The following GALNT14 variants were observed in gnomAD, a reference collection of about 807,000 sequenced individuals.
GALNT14 encodes UDP-GalNAc:polypeptide N-acetylgalactosaminyltransferase 14.
GALNT14 carries 60 observed loss-of-function variants against 77.5 expected under a neutral mutation model. The ratio of observed to expected loss-of-function variants is 0.77; its 90% CI spans 0.63 to 0.96. The LOEUF (loss-of-function observed/expected upper bound fraction) is 0.96, where lower values mean the gene tolerates loss of function less well. Ranked by LOEUF, GALNT14 falls within the 40% of genes least tolerant of loss-of-function variation. GALNT14 has a pLI of 0.00. For synonymous variants in GALNT14, 280 were observed against 281.7 expected (o/e 0.99, Z 0.06); for missense variants, 710 against 731.0 (o/e 0.97, Z 0.33).
rs189276406 is a variant in GALNT14, at chr2:31,122,957, G to A, written c.129+15001C>T. Among the ~76,000 whole-genome samples, 532 of 152,128 alleles carry A rather than the reference G, an allele frequency of 3.5e-3. 3 individuals are homozygous for A. The highest frequency in any genetic ancestry group is 0.034 in the East Asian group (173 of 5,160). On this transcript the variant is annotated intron_variant, in intron 1 of 14. Transcript: ENST00000349752. ...AGCACTTTGGGAGGCCGAGGCGGGC[G>A]GATCACGAGGTCAGGAGATCAAGAC...
chr2:30,908,563 A>G (rs1664207076), downstream of GALNT14, among the ~76,000 whole-genome samples: 1 of 146,628 alleles, frequency 6.8e-6, no homozygotes, highest in Non-Finnish European at 1.5e-5. Flanking sequence ...AAAAGAGGAT[A>G]TAAACAAATG....
At chr2:31,033,332 G>A (rs950920716) in intron 1 of GALNT14, among the ~76,000 whole-genome samples, 1 of 152,042 alleles carries the variant, frequency 6.6e-6, no homozygotes, top group African/African-American at 2.4e-5. Flanking sequence ...CATGGCCCTG[G>A]CACTTCTACT....
intron 1 of GALNT14, among the ~76,000 whole-genome samples, chr2:31,127,457 A>G (rs1678757709): frequency 6.6e-6 from 1 of 152,264 alleles, no homozygotes; most frequent in African/African-American, 2.4e-5. Flanking sequence ...ATTGGAACAC[A>G]GTGACACTAA....
intron 2 of GALNT14, among the ~76,000 whole-genome samples, chr2:30,973,403 A>T (rs943946722): frequency 6.6e-6 from 1 of 152,216 alleles, no homozygotes; most frequent in Non-Finnish European, 1.5e-5. Context: ...CTCTTGGCCA[A>T]TGACCTTTCC....
chr2:30,976,456 G>A (rs1313910772), intron 2 of GALNT14, among the ~76,000 whole-genome samples: 2 of 152,130 alleles, frequency 1.3e-5, no homozygotes, highest in Non-Finnish European at 2.9e-5. Context: ...ACTGAGGTTT[G>A]GTGGAAACCC....
chr2:30,971,358 A>G (rs1668343826), intron 2 of GALNT14, among the ~76,000 whole-genome samples: 1 of 151,942 alleles, frequency 6.6e-6, no homozygotes, highest in Non-Finnish European at 1.5e-5. Flanking sequence ...AGCGGGAAAG[A>G]TTGGGGGCGG....
intron 1 of GALNT14, among the ~76,000 whole-genome samples, chr2:31,001,241 A>G (rs546039102): frequency 6.6e-6 from 1 of 152,222 alleles, no homozygotes; most frequent in South Asian, 2.1e-4. Context: ...GGGACTCTTC[A>G]TGCTAAACCA....
chr2:31,027,758 C>T (rs1345920787), intron 1 of GALNT14, among the ~76,000 whole-genome samples: 1 of 152,144 alleles, frequency 6.6e-6, no homozygotes, highest in African/African-American at 2.4e-5. Flanking sequence ...AAATTAAATT[C>T]ACATCCACTA....
chr2:31,024,898 T>C (rs940064618), intron 1 of GALNT14, among the ~76,000 whole-genome samples: 41 of 152,168 alleles, frequency 2.7e-4, no homozygotes, highest in African/African-American at 9.7e-4. Flanking sequence ...CTGGCAGGGA[T>C]GGCAGGCTAG....
At position 30,955,909 on chromosome 2, in the gene GALNT14, T is replaced by C. The variant is rs1667339178; in HGVS notation, c.532+3A>G. The C allele has an allele frequency of 1.2e-6, 2 of 1,613,898 alleles. No individual in the cohort carries two copies. The highest frequency in any genetic ancestry group is 8.5e-7 in the Non-Finnish European group (1 of 1,180,014). On this transcript the variant is annotated splice_donor_region_variant and intron_variant, in intron 5 of 14. Coordinates refer to ENST00000349752, the MANE Select transcript of GALNT14 (RefSeq NM_024572.4). ...AGGCTCCCGCACAACAGCTCAGACC[T>C]ACCTTGCCGTTCATTATTGCGCAAG...
intron 2 of GALNT14, among the ~76,000 whole-genome samples, chr2:30,990,879 CT>C (rs1669656062): frequency 6.6e-6 from 1 of 152,172 alleles, no homozygotes; most frequent in African/African-American, 2.4e-5. Flanking sequence ...AGTCTAAATT[CT>C]GTCTAAATCC....
chr2:30,967,239 C>A (rs1668066485), intron 2 of GALNT14, among the ~76,000 whole-genome samples: 1 of 152,164 alleles, frequency 6.6e-6, no homozygotes, highest in Admixed American at 6.5e-5. Flanking sequence ...CGTGAGCCCT[C>A]TGAAATTGTT....
chr2:31,036,788 C>G (rs779645842), intron 1 of GALNT14, among the ~76,000 whole-genome samples: 11 of 152,150 alleles, frequency 7.2e-5, no homozygotes, highest in Non-Finnish European at 1.5e-4. Flanking sequence ...TCTTGGTTGA[C>G]AGTCTTTTTC....
intron 11 of GALNT14, 42 bp from the exon 12 acceptor site, chr2:30,924,865 C>T (rs760810019): frequency 1.3e-6 from 2 of 1,571,240 alleles, no homozygotes; most frequent in Non-Finnish European, 8.7e-7. Flanking sequence ...AGACAAAACA[C>T]AGCTGTCAGA....
intron 1 of GALNT14, among the ~76,000 whole-genome samples, chr2:31,118,162 GA>G (rs1207107178): frequency 6.6e-5 from 10 of 152,286 alleles, no homozygotes; most frequent in African/African-American, 2.4e-4. Context: ...TACCATTGAA[GA>G]AGTCAATAGA....
At chr2:30,889,064 C>T in the GALNT14 span, among the ~76,000 whole-genome samples, 5 of 152,100 alleles carry the variant, frequency 3.3e-5, no homozygotes, top group East Asian at 9.6e-4. Flanking sequence ...AGGACTCCTC[C>T]CTGTCACCAC....
intron 1 of GALNT14, among the ~76,000 whole-genome samples, chr2:31,083,801 T>G (rs1185943906): frequency 6.6e-6 from 1 of 152,138 alleles, no homozygotes; most frequent in Non-Finnish European, 1.5e-5. Context: ...AAGGTCCAAG[T>G]CCTTCCCTAT....
chr2:30,922,664 A>G (rs1199504739), intron 13 of GALNT14, among the ~76,000 whole-genome samples: 1 of 152,206 alleles, frequency 6.6e-6, no homozygotes, highest in African/African-American at 2.4e-5. Context: ...CCTGAGCCTC[A>G]CACCTAACTT....
At chr2:31,125,065 G>C in intron 1 of GALNT14, 1 of 901,432 alleles carries the variant, frequency 1.1e-6, no homozygotes, top group East Asian at 2.7e-5. Context: ...AGGAGCTCTG[G>C]CAGATCATCC....
Sources: allele counts gnomAD v4.1 joint callset (sites outside exome capture counted in the v4.1 genomes callset), GRCh38; gene constraint gnomAD v4.1.1; transcripts MANE v1.5; gene names NCBI Gene and HGNC (gene_info 2026-07-23, HGNC 2026-07-21).